Variants in FRMPD2 observed in about 807,000 individuals in gnomAD.
The protein encoded by FRMPD2 is FERM and PDZ domain containing 2.
Under a neutral mutation model 140.1 loss-of-function variants are expected in FRMPD2, and 96 were observed. The observed-to-expected ratio is 0.69, with a 90% CI of 0.58 to 0.81. FRMPD2 has a LOEUF of 0.81. Ranked by LOEUF, FRMPD2 falls within the 40% of genes least tolerant of loss-of-function variation. The pLI, the probability that FRMPD2 is intolerant of heterozygous loss-of-function variation, is 0.00. For missense variants in FRMPD2, 1,240 were observed against 1,447.4 expected, an observed-to-expected ratio of 0.86 and a Z score of 2.32; for synonymous variants, 449 against 547.6, an observed-to-expected ratio of 0.82 and a Z score of 2.52.
intron 3 of FRMPD2, among the ~76,000 whole-genome samples, chr10:48,247,003 T>A (rs986228981): frequency 3.3e-5 from 5 of 152,134 alleles, no homozygotes; most frequent in Non-Finnish European, 7.4e-5. Flanking sequence ...AAACCAATGT[T>A]TGGTTAGTTC....
In FRMPD2 at chr10:48,201,264, G is replaced by A; in HGVS notation, c.1918C>T (p.Gln640Ter). 6.2e-7 allele frequency: 1 copy of A among 1,613,066 alleles called. No individual in the cohort carries two copies. Among genetic ancestry groups the A allele is most frequent in the East Asian group, 2.2e-5 (1 of 44,846 alleles). ...LCSAQHGFNA[Q>*]MGSGQPSHVL... ...TGGGAAGGCTGCCCAGAGCCCATCT[G>A]TGCATTAAACCCATGCTGGGCTGAG... The change falls in exon 15 of 29, where the codon CAG becomes TAG. Residue 640 changes from glutamine (Q) to a stop codon, truncating the protein, a stop_gained. Coordinates refer to ENST00000374201, the MANE Select transcript of FRMPD2 (RefSeq NM_001018071.4). LOFTEE classifies it high-confidence loss of function.
chr10:48,206,557 T>C (rs1177655118), intron 14 of FRMPD2, among the ~76,000 whole-genome samples, 191 bp downstream of exon 14: 1 of 152,180 alleles, frequency 6.6e-6, no homozygotes, highest in Non-Finnish European at 1.5e-5. Flanking sequence ...CCTGAGGACC[T>C]CCCAAAATCC....
chr10:48,233,487 G>T (rs994848107), intron 9 of FRMPD2, among the ~76,000 whole-genome samples: 1 of 152,146 alleles, frequency 6.6e-6, no homozygotes, highest in Non-Finnish European at 1.5e-5. Flanking sequence ...GGTCTGACCC[G>T]CTTCTTTCCC....
At chr10:48,237,940 C>T (rs1377227878) in intron 8 of FRMPD2, 51 bp downstream of exon 8, 4 of 1,611,272 alleles carry the variant, frequency 2.5e-6, no homozygotes, top group Non-Finnish European at 3.4e-6. Flanking sequence ...CCACCCACAG[C>T]TCCCTGCTCA....
chr10:48,245,051 C>T (rs964839295), intron 3 of FRMPD2, among the ~76,000 whole-genome samples: 4 of 152,152 alleles, frequency 2.6e-5, no homozygotes, highest in African/African-American at 9.7e-5. Flanking sequence ...GAAACCATGA[C>T]ACTCAGTTTT....
rs531971047 is a variant in FRMPD2, at chr10:48,190,961, T to C, written c.2165+1723A>G. Reference sequence around the variant, plus strand: ...AACAATGAAGTGCTATAAGGTACCATTAGTTGGGTGACAAATGAAAGATGT... The same window carrying C: ...AACAATGAAGTGCTATAAGGTACCACTAGTTGGGTGACAAATGAAAGATGT... On this transcript the variant is annotated intron_variant, in intron 16 of 28. Transcript: ENST00000374201. Among the ~76,000 whole-genome samples the C allele has an allele frequency of 3.3e-5, 5 of 152,292 alleles. No individual in the cohort carries two copies. The South Asian group carries it at 1.0e-3, about 32-fold the overall frequency.
At position 48,187,240 on chromosome 10, in the gene FRMPD2, T is replaced by C; in HGVS notation, c.2218A>G (p.Met740Val). Reference protein sequence around the residue: ...LKSACVIQKPMTWDSLSGPPV... With the variant: ...LKSACVIQKPVTWDSLSGPPV... ...GGTCCAGAGAGAGAGTCCCAGGTCA[T>C]TGGCTTCTGGATCACACAGGCACTC... The change falls in exon 17 of 29, where the codon ATG becomes GTG. Residue 740 changes from methionine to valine, a missense_variant. Transcript: ENST00000374201. 1.2e-6 allele frequency: 2 copies of C among 1,614,122 alleles called. No individual in the cohort carries two copies. The highest frequency in any genetic ancestry group is 1.7e-6 in the Non-Finnish European group (2 of 1,179,994).
intron 10 of FRMPD2, among the ~76,000 whole-genome samples, chr10:48,224,563 G>A (rs1047396072): frequency 9.2e-5 from 14 of 152,112 alleles, no homozygotes; most frequent in Admixed American, 2.0e-4. Context: ...TGCCCCACAC[G>A]GGACTCACCC....
At chr10:48,273,903 G>A (rs1840811457) in intron 1 of FRMPD2, among the ~76,000 whole-genome samples, 2 of 151,480 alleles carry the variant, frequency 1.3e-5, no homozygotes, top group Non-Finnish European at 2.9e-5. Context: ...AAAAAAAGTT[G>A]TTTACACTGT....
chr10:48,203,358 T>C (rs912782209), intron 14 of FRMPD2, among the ~76,000 whole-genome samples: 14 of 152,284 alleles, frequency 9.2e-5, no homozygotes, highest in African/African-American at 3.4e-4. Context: ...AAAATTCTTA[T>C]CTGCAAACTT....
chr10:48,185,687 A>G (rs778472487), intron 17 of FRMPD2, 42 bp from the exon 18 acceptor site: 3 of 1,482,198 alleles, frequency 2.0e-6, no homozygotes, highest in South Asian at 2.3e-5. Context: ...TTTTCCCCCA[A>G]ATTATTTGGG....
At chr10:48,174,483 T>C (rs2652399) in intron 24 of FRMPD2, among the ~76,000 whole-genome samples, 69 of 151,932 alleles carry the variant, frequency 4.5e-4, no homozygotes, top group African/African-American at 1.3e-3. Flanking sequence ...GGGGTCATCC[T>C]ATGCAAACGT....
chr10:48,161,575 G>A (rs1355886774), intron 28 of FRMPD2, among the ~76,000 whole-genome samples: 1 of 151,522 alleles, frequency 6.6e-6, no homozygotes, highest in Admixed American at 6.6e-5. Flanking sequence ...AACTTTAAAT[G>A]CTGGCCCCAT....
intron 1 of FRMPD2, among the ~76,000 whole-genome samples, chr10:48,274,183 G>A (rs1840816384): frequency 6.6e-6 from 1 of 152,110 alleles, no homozygotes; most frequent in Non-Finnish European, 1.5e-5. Context: ...GTAACGCATG[G>A]GGCATTATTA....
chr10:48,217,575 A>G (rs575683358), intron 12 of FRMPD2, among the ~76,000 whole-genome samples: 1 of 152,300 alleles, frequency 6.6e-6, no homozygotes, highest in Admixed American at 6.5e-5. Context: ...TGAGAATATA[A>G]TAGGAGATAT....
At chr10:48,241,485 C>A (rs1840103718) in intron 5 of FRMPD2, among the ~76,000 whole-genome samples, 1 of 152,204 alleles carries the variant, frequency 6.6e-6, no homozygotes, top group African/African-American at 2.4e-5. Context: ...CCCAGGGGGC[C>A]AGGCTGGGCC....
chr10:48,237,668 T>C (rs537040327), intron 8 of FRMPD2, among the ~76,000 whole-genome samples: 11 of 152,254 alleles, frequency 7.2e-5, no homozygotes, highest in African/African-American at 2.6e-4. Context: ...TCCAAACACA[T>C]TCTGCCTTGT....
intron 22 of FRMPD2, among the ~76,000 whole-genome samples, chr10:48,177,084 C>G (rs577037835): frequency 6.6e-6 from 1 of 150,942 alleles, no homozygotes; most frequent in African/African-American, 2.4e-5. Context: ...AGACCCATTC[C>G]AGGGTCTGAA....
chr10:48,234,698 C>A (rs1839926846), intron 9 of FRMPD2, among the ~76,000 whole-genome samples: 1 of 152,074 alleles, frequency 6.6e-6, no homozygotes, highest in South Asian at 2.1e-4. Context: ...TGAGGGAGCC[C>A]TCAGTCACCC....
Sources: allele counts gnomAD v4.1 joint callset (sites outside exome capture counted in the v4.1 genomes callset), GRCh38; gene constraint gnomAD v4.1.1; transcripts MANE v1.5; gene names NCBI Gene and HGNC (gene_info 2026-07-23, HGNC 2026-07-21).